HCRTR2: variants seen among roughly 807,000 people sequenced by gnomAD.
The protein encoded by HCRTR2 is hypocretin receptor 2.
In HCRTR2, 22 loss-of-function variants were observed where a neutral mutation model predicts 49.0. That is an observed-to-expected ratio of 0.45 (90% CI 0.32 to 0.64). The LOEUF (loss-of-function observed/expected upper bound fraction) is 0.64. HCRTR2 is among the 30% of genes least tolerant of loss of function. HCRTR2 has a pLI of 0.04. For synonymous variants in HCRTR2, 236 were observed against 205.3 expected (o/e 1.15, Z -1.28); for missense variants, 491 against 559.4 (o/e 0.88, Z 1.23).
intron 1 of HCRTR2, among the ~76,000 whole-genome samples, chr6:55,191,398 A>G (rs1408513082): frequency 6.6e-6 from 1 of 152,146 alleles, no homozygotes; most frequent in African/African-American, 2.4e-5. Context: ...ATTAAAATGA[A>G]TGTCACTTCT....
chr6:55,217,542 G>C (rs1429741528), intron 1 of HCRTR2, among the ~76,000 whole-genome samples: 2 of 152,122 alleles, frequency 1.3e-5, no homozygotes, highest in African/African-American at 2.4e-5. Context: ...CAGCCCTAGA[G>C]TATGGACACA....
chr6:55,159,748 A>T (rs1485710782), intron 1 of HCRTR2, among the ~76,000 whole-genome samples: 1 of 152,216 alleles, frequency 6.6e-6, no homozygotes, highest in Non-Finnish European at 1.5e-5. Flanking sequence ...GAGATTGAAG[A>T]TCAACTTAAT....
At chr6:55,213,550 G>A (rs1475067623) in intron 1 of HCRTR2, among the ~76,000 whole-genome samples, 1 of 152,092 alleles carries the variant, frequency 6.6e-6, no homozygotes, top group Admixed American at 6.6e-5. Context: ...AGAGGCTCCT[G>A]TATCTCAGAT....
intron 1 of HCRTR2, among the ~76,000 whole-genome samples, chr6:55,184,169 T>A (rs1391848422): frequency 6.6e-6 from 1 of 152,132 alleles, no homozygotes; most frequent in East Asian, 1.9e-4. Context: ...GCACAGGCAA[T>A]CCGCCCACCT....
In HCRTR2 at chr6:55,219,388, A is replaced by G. The variant is rs187145884; in HGVS notation, c.224-29251A>G. ...GGAATGAAACTATAAATCAATTACAAAAGGAAACTGGCAATTTCACCAATA... is the reference window on the plus strand; with the variant it reads ...GGAATGAAACTATAAATCAATTACAGAAGGAAACTGGCAATTTCACCAATA... On this transcript the variant is annotated intron_variant, in intron 1 of 6. Transcript: ENST00000370862. 4.2e-3 allele frequency among the ~76,000 whole-genome samples: 640 copies of G among 152,340 alleles called. 5 individuals carry two copies. The highest frequency in any genetic ancestry group is 0.013 in the African/African-American group (541 of 41,580).
In HCRTR2 at chr6:55,141,240, G is replaced by A. The variant is rs560850913; in HGVS notation, c.-377-32971G>A. ...GTCACCTGTAGTCCCTGCTACTCGG[G>A]AGGCTGAGGCAGGAGAATGCGTGAA... On this transcript the variant is annotated intron_variant, in intron 1 of 7. Transcript: ENST00000615358. 3.3e-5 allele frequency among the ~76,000 whole-genome samples: 5 copies of A among 152,086 alleles called. No individual in the cohort carries two copies. In the East Asian group the frequency reaches 7.7e-4, roughly 24 times the overall value.
rs564704009 is a variant in HCRTR2, at chr6:55,180,029, G to A, written c.223+5219G>A. Among the ~76,000 whole-genome samples, 12 of 152,212 alleles carry A rather than the reference G, an allele frequency of 7.9e-5. No homozygotes were observed. The South Asian group carries it at 1.2e-3, about 16-fold the overall frequency. On this transcript the variant is annotated intron_variant, in intron 1 of 6. Coordinates refer to ENST00000370862, the MANE Select transcript of HCRTR2 (RefSeq NM_001384272.1). Reference sequence around the variant, plus strand: ...ATGACATGTGATTGGTGAAGCTGACGGTATTTGTCTTCAGTTCCTTTTTTC... The same window carrying A: ...ATGACATGTGATTGGTGAAGCTGACAGTATTTGTCTTCAGTTCCTTTTTTC...
intron 1 of HCRTR2, among the ~76,000 whole-genome samples, chr6:55,228,307 C>A (rs543245308): frequency 6.6e-6 from 1 of 151,660 alleles, no homozygotes; most frequent in South Asian, 2.1e-4. Flanking sequence ...GTTGAAAAGA[C>A]AGCAACAGAG....
At chr6:55,205,131 A>G (rs1354758796) in intron 1 of HCRTR2, among the ~76,000 whole-genome samples, 1 of 152,136 alleles carries the variant, frequency 6.6e-6, no homozygotes, top group Non-Finnish European at 1.5e-5. Context: ...ATAACCAAGT[A>G]AAGAAGTCAA....
chr6:55,173,687 C>T (rs1027187465), upstream of HCRTR2, among the ~76,000 whole-genome samples: 6 of 152,166 alleles, frequency 3.9e-5, no homozygotes, highest in Admixed American at 1.3e-4. Flanking sequence ...TGCTTGACAA[C>T]ATTAACTATG....
intron 1 of HCRTR2, among the ~76,000 whole-genome samples, chr6:55,182,077 A>G (rs2127273636): frequency 6.6e-6 from 1 of 152,308 alleles, no homozygotes; most frequent in Non-Finnish European, 1.5e-5. Flanking sequence ...GTATCACGAA[A>G]GTTTATTTCT....
intron 4 of HCRTR2, among the ~76,000 whole-genome samples, chr6:55,273,493 C>A (rs1426133928): frequency 6.6e-6 from 1 of 151,958 alleles, no homozygotes; most frequent in Non-Finnish European, 1.5e-5. Flanking sequence ...ATAAAATTCT[C>A]GACTTATTTC....
chr6:55,159,587 T>A (rs1469822600), intron 1 of HCRTR2, among the ~76,000 whole-genome samples: 1 of 152,118 alleles, frequency 6.6e-6, no homozygotes, highest in African/African-American at 2.4e-5. Context: ...CTAAGAACCT[T>A]GAAAAATGGT....
chr6:55,110,392 T>C (rs974012580), intron 1 of HCRTR2, among the ~76,000 whole-genome samples: 2 of 151,962 alleles, frequency 1.3e-5, no homozygotes, highest in Non-Finnish European at 2.9e-5. Context: ...TAACACTGAG[T>C]GTAAATGGCC....
At chr6:55,141,485 AT>A (rs1764506858) in intron 1 of HCRTR2, among the ~76,000 whole-genome samples, 1 of 152,232 alleles carries the variant, frequency 6.6e-6, no homozygotes, top group Admixed American at 6.5e-5. Context: ...TATAAATTCT[AT>A]TTTAATTATC....
At chr6:55,254,015 C>A (rs990690990) in intron 2 of HCRTR2, among the ~76,000 whole-genome samples, 2 of 152,032 alleles carry the variant, frequency 1.3e-5, no homozygotes, top group East Asian at 3.9e-4. Context: ...TGCTCATGTA[C>A]CCCTGAAATT....
chr6:55,155,045 AAAAC>A, intron 1 of HCRTR2, among the ~76,000 whole-genome samples: 1 of 152,042 alleles, frequency 6.6e-6, no homozygotes, highest in South Asian at 2.1e-4. Context: ...TTGTGTACTG[AAAAC>A]TATAAAATGC....
At chr6:55,238,196 G>T (rs1337222715) in intron 1 of HCRTR2, among the ~76,000 whole-genome samples, 1 of 152,070 alleles carries the variant, frequency 6.6e-6, no homozygotes, top group Admixed American at 6.6e-5. Flanking sequence ...AGCTCAGTGA[G>T]CATCCCCAGC....
intron 1 of HCRTR2, among the ~76,000 whole-genome samples, chr6:55,234,178 C>A (rs988626150): frequency 1.3e-5 from 2 of 152,118 alleles, no homozygotes; most frequent in African/African-American, 4.8e-5. Flanking sequence ...GAGTTATTTT[C>A]TTCTCTCCAG....
Sources: allele counts gnomAD v4.1 joint callset (sites outside exome capture counted in the v4.1 genomes callset), GRCh38; gene constraint gnomAD v4.1.1; transcripts MANE v1.5; gene names NCBI Gene and HGNC (gene_info 2026-07-23, HGNC 2026-07-21).